BNIP5: variants seen among roughly 807,000 people sequenced by gnomAD.
The protein encoded by BNIP5 is protein BNIP5.
In BNIP5, 61 loss-of-function variants were observed where a neutral mutation model predicts 67.3. The ratio of observed to expected loss-of-function variants is 0.91; its 90% CI spans 0.74 to 1.12. The LOEUF is 1.12. Among genes scored for constraint, BNIP5 ranks in the 50% most tolerant of loss-of-function variants. The pLI is 0.00. For synonymous variants in BNIP5, 317 were observed against 319.0 expected (o/e 0.99, Z 0.07); for missense variants, 826 against 816.3 (o/e 1.01, Z -0.14).
At position 36,330,620 on chromosome 6, in the gene BNIP5, G is replaced by A. The variant is rs1423852186; in HGVS notation, c.71C>T (p.Ala24Val). 18 of 1,609,054 alleles carry A rather than the reference G, an allele frequency of 1.1e-5. No homozygotes were observed. The highest frequency in any genetic ancestry group is 1.4e-5 in the Non-Finnish European group (16 of 1,179,986). ...CCACGACTCCGAGCCTTTCCCGGGG[G>A]CCTGCGGCCTGTCCAGAGACCTGGC... ...KKARSLDRPQ[A>V]PGKGSESWDC... The change falls in exon 2 of 12, where the codon GCC (alanine) becomes GTC (valine). Residue 24 changes from alanine to valine, a missense_variant. Transcript: ENST00000437635.
chr6:36,330,121 G>A lies in BNIP5; in HGVS notation c.570C>T (p.Ala190=). Residue 190 remains alanine (A), a synonymous_variant, in exon 2 of 12, where the codon GCC becomes GCT. Coordinates refer to ENST00000437635, the MANE Select transcript of BNIP5 (RefSeq NM_001010903.5). The part of the protein sequence containing the change: ...REEGLSKAAA[A]LRSGEADLGP... ...CCAGGTCAGCCTCCCCGGAGCGCAAGGCAGCAGCTGCCTTGGACAACCCTT... is the reference window on the plus strand; with the variant it reads ...CCAGGTCAGCCTCCCCGGAGCGCAAAGCAGCAGCTGCCTTGGACAACCCTT... 1 of 1,611,558 alleles carries A rather than the reference G, an allele frequency of 6.2e-7. No individual in the cohort carries two copies. The highest frequency in any genetic ancestry group is 8.5e-7 in the Non-Finnish European group (1 of 1,179,932).
chr6:36,330,207 T>C lies in BNIP5; in HGVS notation c.484A>G (p.Lys162Glu). The C allele has an allele frequency of 1.9e-6, 3 of 1,614,122 alleles. No homozygotes were observed. Among genetic ancestry groups the C allele is most frequent in the Non-Finnish European group, 1.7e-6 (2 of 1,180,016 alleles). ...TTAGTCACCTCGGCCGCGTGTTTCT[T>C]GTGACCTTGCTTCTTGCGGCTGGGC... ...KKPSRKKQGHKKHAAEVTKAA... is the reference protein window; with the variant it reads ...KKPSRKKQGHEKHAAEVTKAA... The change falls in exon 2 of 12, where the codon AAG becomes GAG. Residue 162 changes from lysine to glutamate, a missense_variant. Physicochemically the swap from Lys to Glu is moderately conservative, Grantham distance 56 (BLOSUM62 1). Coordinates refer to ENST00000437635, the MANE Select transcript of BNIP5 (RefSeq NM_001010903.5).
rs1272203394 is a variant in BNIP5, at chr6:36,318,699, G to C, written c.1923+657C>G. 3.3e-5 allele frequency among the ~76,000 whole-genome samples: 5 copies of C among 152,232 alleles called. No individual in the cohort carries two copies. In the South Asian group the frequency reaches 6.2e-4, roughly 19 times the overall value. ...GATTACACCACTGCACTCCAGCCTG[G>C]GTGACAGAGCAAGACCCTGTCTCAA... On this transcript the variant is annotated intron_variant, in intron 11 of 11. Transcript: ENST00000437635.
intron 5 of BNIP5, among the ~76,000 whole-genome samples, chr6:36,326,032 T>C (rs978326894): frequency 6.6e-6 from 1 of 152,214 alleles, no homozygotes; most frequent in Admixed American, 6.5e-5. Flanking sequence ...GGATAATAGT[T>C]GCACTTCATC....
chr6:36,322,372 G>A lies in BNIP5; in HGVS notation c.1542C>T (p.Pro514=). The A allele has an allele frequency of 4.3e-6, 7 of 1,614,168 alleles. No individual in the cohort carries two copies. The highest frequency in any genetic ancestry group is 5.9e-6 in the Non-Finnish European group (7 of 1,179,990). Reference sequence around the variant, plus strand: ...CTGGCGTGTGGCCTCTAGCCTGGGAGGGTGCTTCTGAGATCACAACTGGCT... The same window carrying A: ...CTGGCGTGTGGCCTCTAGCCTGGGAAGGTGCTTCTGAGATCACAACTGGCT... ...EGEPVVISEA[P]SQARGHTPEG... Residue 514 remains proline (P), a synonymous_variant, in exon 9 of 12, where the codon CCC becomes CCT. Transcript: ENST00000437635.
At position 36,328,760 on chromosome 6, in the gene BNIP5, G is replaced by A. The variant is rs41270102; in HGVS notation, c.611-46C>T. ...AACGGGTATGTAGGTGTGTATGTGC[G>A]TGTGTCAGTGACATTCTCCTGACTT... is the stretch of plus-strand genomic sequence containing the variant. On this transcript the variant is annotated intron_variant, in intron 2 of 11. Coordinates refer to ENST00000437635, the MANE Select transcript of BNIP5 (RefSeq NM_001010903.5). The A allele has an allele frequency of 9.6e-3, 10,604 of 1,110,180 alleles. 76 individuals are homozygous for A. Among genetic ancestry groups the A allele is most frequent in the Non-Finnish European group, 0.012 (8,327 of 720,428 alleles). The allele number at this position is 1,110,180 out of a possible 1,614,324, so 68.8% of individuals were successfully genotyped here.
chr6:36,336,155 A>AC (rs1772013354), intron 1 of BNIP5, among the ~76,000 whole-genome samples: 1 of 152,212 alleles, frequency 6.6e-6, no homozygotes, highest in South Asian at 2.1e-4. Context: ...AGAGCAGTAG[A>AC]CCATGAGTTA....
intron 4 of BNIP5, 109 bp downstream of exon 4, chr6:36,326,911 AAGGAGGCTTC>A: frequency 2.2e-6 from 3 of 1,380,790 alleles, no homozygotes; most frequent in Non-Finnish European, 3.1e-6. Flanking sequence ...GAAGCTGCAG[AAGGAGGCTTC>A]AGGGAAGGAA....
intron 1 of BNIP5, among the ~76,000 whole-genome samples, chr6:36,335,170 G>A (rs1237507093): frequency 6.6e-6 from 1 of 152,216 alleles, no homozygotes; most frequent in Non-Finnish European, 1.5e-5. Context: ...TTGCTGCTGT[G>A]TGTTGTTTAC....
chr6:36,328,321 A>G (rs938783021), intron 3 of BNIP5, among the ~76,000 whole-genome samples: 1 of 152,264 alleles, frequency 6.6e-6, no homozygotes, highest in Non-Finnish European at 1.5e-5. Context: ...TATTTTTTAA[A>G]GTAAAATAAA....
At chr6:36,322,580 T>G (rs1771661241) in intron 8 of BNIP5, 138 bp from the exon 9 acceptor site, 1 of 906,246 alleles carries the variant, frequency 1.1e-6, no homozygotes, top group South Asian at 1.6e-5. Context: ...CGGCTCTGCC[T>G]CAGAGGAGTT....
intron 11 of BNIP5, 78 bp from the exon 12 acceptor site, chr6:36,317,469 C>A: frequency 7.7e-7 from 1 of 1,304,884 alleles, no homozygotes; most frequent in African/African-American, 1.5e-5. Context: ...ACAGACTTCC[C>A]ATTATCCCAT....
At chr6:36,326,022 G>A (rs544778382) in intron 5 of BNIP5, among the ~76,000 whole-genome samples, 1 of 152,302 alleles carries the variant, frequency 6.6e-6, no homozygotes, top group South Asian at 2.1e-4. Flanking sequence ...ATGGCTGTGG[G>A]GATAATAGTT....
intron 6 of BNIP5, 79 bp from the exon 7 acceptor site, chr6:36,324,269 C>G: frequency 7.7e-7 from 1 of 1,294,810 alleles, no homozygotes; most frequent in Non-Finnish European, 1.1e-6. Flanking sequence ...CCTAATGCCC[C>G]GGTGGCTCCC....
chr6:36,317,309 C>G lies in BNIP5; in HGVS notation c.*47G>C. 6.6e-7 allele frequency: 1 copy of G among 1,524,780 alleles called. No individual in the cohort carries two copies. The highest frequency in any genetic ancestry group is 9.1e-7 in the Non-Finnish European group (1 of 1,098,524). The allele number at this position is 1,524,780 out of a possible 1,614,324, so 94.5% of individuals were successfully genotyped here. A position where few individuals can be genotyped will look rare whatever the true frequency, so the allele number is the denominator to read the frequency against. The stretch of plus-strand genomic sequence containing the variant: ...CTTCAGGGTCTCCTGGCTAAAGCTG[C>G]GAACCATTTGGCTAGTTCAAGGGAA... On this transcript the variant is annotated 3_prime_UTR_variant, in exon 12 of 12. Transcript: ENST00000437635.
At position 36,322,357 on chromosome 6, in the gene BNIP5, G is replaced by T. The variant is rs765053275; in HGVS notation, c.1557C>A (p.Gly519=). 84 of 1,614,040 alleles carry T rather than the reference G, an allele frequency of 5.2e-5. No individual in the cohort carries two copies. In the East Asian group the frequency reaches 1.8e-3, roughly 36 times the overall value. ...GCTGAGGTGCCCCTTCTGGCGTGTG[G>T]CCTCTAGCCTGGGAGGGTGCTTCTG... The part of the protein sequence containing the change: ...VISEAPSQAR[G]HTPEGAPQLS... The change falls in exon 9 of 12, where the codon GGC becomes GGA. Residue 519 remains glycine, a synonymous_variant. Coordinates refer to ENST00000437635, the MANE Select transcript of BNIP5 (RefSeq NM_001010903.5).
At chr6:36,318,605 C>G (rs1175938914) in intron 11 of BNIP5, among the ~76,000 whole-genome samples, 2 of 151,734 alleles carry the variant, frequency 1.3e-5, no homozygotes. Context: ...TCCTGTAGTC[C>G]CAGCTACTTG....
At chr6:36,317,423 C>T (rs535594117) in intron 11 of BNIP5, 32 bp from the exon 12 acceptor site, 1 of 1,597,624 alleles carries the variant, frequency 6.3e-7, no homozygotes, top group Admixed American at 1.7e-5. Context: ...AGGTGTTAGC[C>T]ACAGCTCAAT....
intron 1 of BNIP5, among the ~76,000 whole-genome samples, chr6:36,334,193 G>A (rs1771964623): frequency 6.6e-6 from 1 of 152,166 alleles, no homozygotes; most frequent in African/African-American, 2.4e-5. Flanking sequence ...TTTCAGGAAA[G>A]CTGCGGTGAT....
Sources: gnomAD v4.1 joint callset for allele counts (sites outside exome capture counted in the v4.1 genomes callset) on GRCh38, gnomAD v4.1.1 for gene constraint, MANE v1.5 for transcripts, NCBI Gene and HGNC (gene_info 2026-07-23, HGNC 2026-07-21) for gene names.